SCYL2: variants seen among roughly 807,000 people sequenced by gnomAD.
The protein encoded by SCYL2 is SCY1-like protein 2.
Under a neutral mutation model 100.4 loss-of-function variants are expected in SCYL2, and 36 were observed. The ratio of observed to expected loss-of-function variants is 0.36; its 90% CI spans 0.27 to 0.47. The LOEUF is 0.47. Ranked by LOEUF, SCYL2 falls within the 20% of genes least tolerant of loss-of-function variation. The pLI, the probability that SCYL2 is intolerant of heterozygous loss-of-function variation, is 1.00. For missense variants in SCYL2, 902 were observed against 1,083.9 expected, an observed-to-expected ratio of 0.83 and a Z score of 2.36; for synonymous variants, 330 against 359.2, an observed-to-expected ratio of 0.92 and a Z score of 0.92.
At chr12:100,312,857 C>T (rs2096343838) in intron 6 of SCYL2, among the ~76,000 whole-genome samples, 1 of 152,180 alleles carries the variant, frequency 6.6e-6, no homozygotes, top group Non-Finnish European at 1.5e-5. Flanking sequence ...CTGGCTCACG[C>T]CTGTAATCCC....
chr12:100,314,437 A>G, intron 7 of SCYL2, 52 bp from the exon 8 acceptor site: 1 of 1,336,064 alleles, frequency 7.5e-7, no homozygotes, highest in Non-Finnish European at 1.0e-6. Context: ...CAGATATGAG[A>G]AGTACTTTCA....
chr12:100,273,223 T>C (rs1592924169), intron 1 of SCYL2, among the ~76,000 whole-genome samples: 2 of 152,184 alleles, frequency 1.3e-5, no homozygotes, highest in Admixed American at 6.5e-5. Flanking sequence ...TTCTTTTTCT[T>C]CAGCTTTTAA....
chr12:100,295,208 C>T (rs1300116620), intron 3 of SCYL2, among the ~76,000 whole-genome samples: 1 of 149,546 alleles, frequency 6.7e-6, no homozygotes, highest in African/African-American at 2.5e-5. Flanking sequence ...CTCCTCACTT[C>T]CCAGACTGGG....
chr12:100,296,876 C>T (rs1365777568), intron 3 of SCYL2: 1 of 152,080 alleles, frequency 6.6e-6, no homozygotes, highest in Non-Finnish European at 1.5e-5. Context: ...GACAATGTGA[C>T]CATTTCTCAC....
intron 1 of SCYL2, 61 bp from the exon 2 acceptor site, chr12:100,282,882 T>C (rs1406347868): frequency 1.4e-6 from 1 of 737,472 alleles, no homozygotes; most frequent in African/African-American, 1.8e-5. Context: ...AATTAAACTA[T>C]GAATAAATGC....
At chr12:100,302,021 C>G (rs958609221) in intron 4 of SCYL2, among the ~76,000 whole-genome samples, 2 of 152,174 alleles carry the variant, frequency 1.3e-5, no homozygotes, top group African/African-American at 4.8e-5. Context: ...CAGCGGGTCC[C>G]CTTTGGCCTA....
intron 1 of SCYL2, among the ~76,000 whole-genome samples, chr12:100,279,506 A>G (rs2096295930): frequency 6.6e-6 from 1 of 152,176 alleles, no homozygotes; most frequent in Non-Finnish European, 1.5e-5. Flanking sequence ...CCTGCTGAAT[A>G]TTGTGAATGT....
intron 13 of SCYL2, among the ~76,000 whole-genome samples, chr12:100,332,891 T>G (rs1952229063): frequency 6.6e-6 from 1 of 151,794 alleles, no homozygotes; most frequent in African/African-American, 2.4e-5. Flanking sequence ...ATTTTTGTAT[T>G]TTTTTGTAGA....
At chr12:100,306,512 TAA>T (rs759745602) in intron 4 of SCYL2, among the ~76,000 whole-genome samples, 4 of 152,150 alleles carry the variant, frequency 2.6e-5, no homozygotes, top group Non-Finnish European at 5.9e-5. Flanking sequence ...CTCAAAATAA[TAA>T]GAGCCATTTA....
chr12:100,298,023 T>G lies in SCYL2; in HGVS notation c.336-8T>G. 1 of 1,602,006 alleles carries G rather than the reference T, an allele frequency of 6.2e-7. No homozygotes were observed. ...TGATAGTAAATAACTTTTTCTTTTT[T>G]AAAACAGGGATTGCTTGGCATTTTG... On this transcript the variant is annotated splice_polypyrimidine_tract_variant and splice_region_variant and intron_variant, in intron 3 of 17. Transcript: ENST00000360820.
In SCYL2 at chr12:100,278,196, T is replaced by C. The variant is rs957755515; in HGVS notation, c.-28-4747T>C. ...TGGTTTAAAAACTTTAAGTTTTTTT[T>C]GTTTTGTTTTGTTTTGTTTTAGAGA... On this transcript the variant is annotated intron_variant, in intron 1 of 17. Transcript: ENST00000360820. 2.0e-5 allele frequency among the ~76,000 whole-genome samples: 3 copies of C among 152,116 alleles called. No individual in the cohort carries two copies. The South Asian group carries it at 6.2e-4, about 32-fold the overall frequency.
intron 10 of SCYL2, among the ~76,000 whole-genome samples, chr12:100,318,329 C>CTTT (rs1052095844): frequency 1.1e-4 from 14 of 130,960 alleles, no homozygotes; most frequent in African/African-American, 1.7e-4. Context: ...TCTTTTCTTT[C>CTTT]TTTTTTTTTT....
intron 4 of SCYL2, among the ~76,000 whole-genome samples, chr12:100,299,709 T>G (rs1397176299): frequency 6.6e-6 from 1 of 152,230 alleles, no homozygotes; most frequent in African/African-American, 2.4e-5. Flanking sequence ...ATTCTTTTTT[T>G]TTTTTAATTG....
intron 13 of SCYL2, among the ~76,000 whole-genome samples, chr12:100,331,145 G>T (rs1484094894): frequency 6.6e-6 from 1 of 152,028 alleles, no homozygotes; most frequent in Non-Finnish European, 1.5e-5. Flanking sequence ...TTAATTTTTG[G>T]TTTGGTAATT....
intron 1 of SCYL2, among the ~76,000 whole-genome samples, chr12:100,271,260 C>CAA (rs11354103): frequency 2.8e-3 from 230 of 83,038 alleles, no homozygotes; most frequent in Middle Eastern, 6.8e-3. Context: ...TGCAGAGCAG[C>CAA]AAAAAAAAAA....
At chr12:100,311,284 G>A in intron 5 of SCYL2, 91 bp downstream of exon 5, 1 of 1,317,432 alleles carries the variant, frequency 7.6e-7, no homozygotes, top group Non-Finnish European at 1.0e-6. Context: ...TGGTACAGTG[G>A]TATGTTTAGA....
chr12:100,290,159 C>CT (rs540422938), intron 2 of SCYL2, among the ~76,000 whole-genome samples: 38 of 151,502 alleles, frequency 2.5e-4, no homozygotes, highest in East Asian at 2.3e-3. Flanking sequence ...ATTATTTATT[C>CT]TTTTTTTTTC....
rs558327678 is a variant in SCYL2, at chr12:100,315,559, G to A, written c.1097G>A (p.Arg366His). The A allele has an allele frequency of 1.4e-5, 22 of 1,566,544 alleles. No individual in the cohort carries two copies. Among genetic ancestry groups the A allele is most frequent in the African/African-American group, 5.5e-5 (4 of 73,058 alleles). The change falls in exon 9 of 18, where the codon CGT becomes CAT. Residue 366 changes from arginine (R) to histidine (H), a missense_variant and splice_region_variant. By Grantham distance (29) the Arg-to-His change is conservative. Coordinates refer to ENST00000360820, the MANE Select transcript of SCYL2 (RefSeq NM_017988.6). Reference sequence around the variant, plus strand: ...TTAAAAAACATTTTTGCCTTTCAGCGTGTCATTGTGCAGAGAATTTTGCCT... The same window carrying A: ...TTAAAAAACATTTTTGCCTTTCAGCATGTCATTGTGCAGAGAATTTTGCCT... ...LPKVLPKLPK[R>H]VIVQRILPCL...
In SCYL2 at chr12:100,291,566, C is replaced by A; in HGVS notation, c.241C>A (p.Gln81Lys). The A allele has an allele frequency of 6.3e-7, 1 of 1,594,034 alleles. No homozygotes were observed. The highest frequency in any genetic ancestry group is 1.8e-5 in the Admixed American group (1 of 55,770). ...IDKYQKFEKD[Q>K]IIDSLKRGVQ... ...CAAGTATCAAAAATTTGAAAAGGAT[C>A]AAATCATTGATTCTCTAAAACGAGG... Residue 81 changes from glutamine (Q) to lysine (K), a missense_variant, in exon 3 of 18, where the codon CAA (glutamine) becomes AAA (lysine). Physicochemically the swap from Gln to Lys is moderately conservative, Grantham distance 53. Coordinates refer to ENST00000360820, the MANE Select transcript of SCYL2 (RefSeq NM_017988.6).
Sources: allele counts gnomAD v4.1 joint callset (sites outside exome capture counted in the v4.1 genomes callset), GRCh38; gene constraint gnomAD v4.1.1; transcripts MANE v1.5; gene names NCBI Gene and HGNC (gene_info 2026-07-23, HGNC 2026-07-21).